ABCC11: variants seen among roughly 807,000 people sequenced by gnomAD.
ABCC11 encodes the protein ATP binding cassette subfamily C member 11, also known as ATP-binding cassette sub-family C member 11.
In ABCC11, 135 loss-of-function variants were observed where a neutral mutation model predicts 149.3. The observed-to-expected ratio is 0.90, with a 90% CI of 0.79 to 1.04. The LOEUF (loss-of-function observed/expected upper bound fraction) is 1.04. Among genes scored for constraint, ABCC11 ranks in the 50% least tolerant of loss-of-function variants. The probability of loss-of-function intolerance (pLI) is 0.00; values close to 1 mark genes in which losing one functional copy is unlikely to be tolerated. For missense variants in ABCC11, 1,680 were observed against 1,722.1 expected, an observed-to-expected ratio of 0.98 and a Z score of 0.43; for synonymous variants, 665 against 671.4, an observed-to-expected ratio of 0.99 and a Z score of 0.15.
chr16:48,208,424 C>A lies in ABCC11; in HGVS notation c.1680+1G>T, dbSNP rs758648148. On this transcript the variant is annotated splice_donor_variant, in intron 12 of 29. Coordinates refer to ENST00000356608, the MANE Select transcript of ABCC11 (RefSeq NM_001370497.1). LOFTEE classifies it high-confidence loss of function. ...CAAGCATGTGGCCACAGATCACTTA[C>A]CTCCTCCAGGATGGCTGACAACAGG... The A allele has an allele frequency of 1.2e-6, 2 of 1,614,146 alleles. No homozygotes were observed. Among genetic ancestry groups the A allele is most frequent in the Non-Finnish European group, 1.7e-6 (2 of 1,180,022 alleles).
At chr16:48,170,072 C>T (rs765726249) in intron 28 of ABCC11, 33 bp downstream of exon 28, 1 of 1,583,950 alleles carries the variant, frequency 6.3e-7, no homozygotes, top group South Asian at 1.1e-5. Context: ...TAGTCTGTGG[C>T]TTCCCCTGGC....
chr16:48,239,916 T>C (rs1343314673), intron 1 of ABCC11, among the ~76,000 whole-genome samples: 2 of 151,962 alleles, frequency 1.3e-5, no homozygotes, highest in African/African-American at 4.8e-5. Flanking sequence ...CCAACAAACA[T>C]GAAAAAAAGC....
At chr16:48,209,892 G>A (rs1434864402) in intron 11 of ABCC11, 2 of 152,208 alleles carry the variant, frequency 1.3e-5, no homozygotes, top group South Asian at 4.1e-4. Flanking sequence ...CTGCTGTATG[G>A]TAGAAGGCTC....
chr16:48,221,737 GGTGTGTGT>G (rs71973142), intron 6 of ABCC11, among the ~76,000 whole-genome samples: 3 of 150,150 alleles, frequency 2.0e-5, no homozygotes, highest in Admixed American at 1.3e-4. Flanking sequence ...AACTATTTGG[GGTGTGTGT>G]GTGTGTGTGT....
intron 1 of ABCC11, among the ~76,000 whole-genome samples, chr16:48,243,001 G>T (rs1427084140): frequency 2.6e-5 from 4 of 151,456 alleles, no homozygotes; most frequent in Admixed American, 2.0e-4. Flanking sequence ...GTATACATAT[G>T]TAACAAACCT....
At chr16:48,242,372 C>T (rs889657354) in intron 1 of ABCC11, among the ~76,000 whole-genome samples, 5 of 152,160 alleles carry the variant, frequency 3.3e-5, no homozygotes, top group African/African-American at 7.2e-5. Context: ...GTTAGAATGG[C>T]AATCATTAAA....
chr16:48,213,677 A>G, intron 9 of ABCC11, 127 bp from the exon 10 acceptor site: 1 of 675,232 alleles, frequency 1.5e-6, no homozygotes, highest in Admixed American at 3.3e-5. Flanking sequence ...ACAGAGGCTA[A>G]GCTAGTGTTT....
rs75446957 is a variant in ABCC11 at position 48,196,583 on chromosome 16, C to T, written c.2315-262G>A. The stretch of plus-strand genomic sequence containing the variant: ...CACGTGTGTGATGGGCTGAGAGAAA[C>T]GCAGGAAAGAATGAAGAAAACCACC... On this transcript the variant is annotated intron_variant, in intron 17 of 29. Transcript: ENST00000356608. 2.5e-4 allele frequency among the ~76,000 whole-genome samples: 38 copies of T among 152,218 alleles called. 1 individual carries two copies. In the East Asian group the frequency reaches 3.9e-3, roughly 15 times the overall value.
At chr16:48,228,991 G>A (rs995565142) in intron 3 of ABCC11, among the ~76,000 whole-genome samples, 1 of 152,012 alleles carries the variant, frequency 6.6e-6, no homozygotes, top group African/African-American at 2.4e-5. Context: ...AGAAAGATGG[G>A]AAGATGAAAA....
intron 23 of ABCC11, among the ~76,000 whole-genome samples, chr16:48,180,499 A>T (rs1966360653): frequency 6.6e-6 from 1 of 152,236 alleles, no homozygotes; most frequent in African/African-American, 2.4e-5. Flanking sequence ...ACATGAGAGA[A>T]TAAGTTCCCA....
chr16:48,220,783 C>T (rs1358686005), intron 6 of ABCC11, among the ~76,000 whole-genome samples: 1 of 152,192 alleles, frequency 6.6e-6, no homozygotes, highest in Non-Finnish European at 1.5e-5. Context: ...AACGCCTCTA[C>T]TTGATGGCAA....
intron 14 of ABCC11, among the ~76,000 whole-genome samples, chr16:48,202,755 A>G (rs7206909): frequency 1.3e-5 from 2 of 152,064 alleles, no homozygotes; most frequent in Non-Finnish European, 2.9e-5. Context: ...ACAGACTGAG[A>G]TATTATTAGA....
intron 20 of ABCC11, among the ~76,000 whole-genome samples, chr16:48,190,729 C>T (rs1966873914): frequency 6.6e-6 from 1 of 152,146 alleles, no homozygotes. Context: ...TCAGTTTCCT[C>T]ATATGTAAAA....
At chr16:48,243,760 G>A (rs1170246960) in intron 1 of ABCC11, among the ~76,000 whole-genome samples, 1 of 152,194 alleles carries the variant, frequency 6.6e-6, no homozygotes, top group African/African-American at 2.4e-5. Flanking sequence ...GGGAGGCCGA[G>A]GTGGACGGAT....
Position 48,167,187 on chromosome 16 carries a change from A to G in ABCC11, c.*87T>C, listed in dbSNP as rs558768775. 9.5e-5 allele frequency: 66 copies of G among 698,268 alleles called. No homozygotes were observed. In the Middle Eastern group the frequency reaches 2.9e-3, roughly 30 times the overall value. 43.3% of individuals were successfully genotyped at this position (698,268 alleles called of 1,614,324 possible). On this transcript the variant is annotated 3_prime_UTR_variant, in exon 30 of 30. Transcript: ENST00000356608. ...CAGGAGAAGTTCTCATCTCCAAACA[A>G]GAAGGTCGCAGACTGTGGGCCTCGA...
chr16:48,196,406 C>T, intron 17 of ABCC11, 85 bp from the exon 18 acceptor site: 1 of 1,340,056 alleles, frequency 7.5e-7, no homozygotes, highest in African/African-American at 1.4e-5. Context: ...CGATCCTGTG[C>T]CAGCTTTTCA....
rs755163200 is a variant in ABCC11, at chr16:48,205,534, G to A, written c.1684C>T (p.His562Tyr). 1.2e-6 allele frequency: 2 copies of A among 1,613,488 alleles called. No individual in the cohort carries two copies. The highest frequency in any genetic ancestry group is 1.7e-6 in the Non-Finnish European group (2 of 1,179,684). The change falls in exon 13 of 30, where the codon CAC becomes TAC. Residue 562 changes from histidine (H) to tyrosine (Y), a missense_variant. His to Tyr is a moderately conservative substitution (Grantham distance 83). Coordinates refer to ENST00000356608, the MANE Select transcript of ABCC11 (RefSeq NM_001370497.1). ...SLLSAILEEM[H>Y]LLEGSVGVQG... Reference sequence around the variant, plus strand: ...ACCCCCACCGAGCCCTCGAGCAAGTGCATCTGCGGCAGAATGAGTCCAGCC... The same window carrying A: ...ACCCCCACCGAGCCCTCGAGCAAGTACATCTGCGGCAGAATGAGTCCAGCC...
intron 1 of ABCC11, among the ~76,000 whole-genome samples, chr16:48,246,382 G>A (rs1160337681): frequency 6.6e-6 from 1 of 152,058 alleles, no homozygotes; most frequent in Admixed American, 6.6e-5. Flanking sequence ...TGCCTTCTGT[G>A]CCCAGGCACA....
intron 1 of ABCC11, chr16:48,244,370 A>C: frequency 6.6e-7 from 1 of 1,512,622 alleles, no homozygotes; most frequent in Non-Finnish European, 8.9e-7. Context: ...GACAGCCCCC[A>C]GTGCGAAAGG....
Sources: allele counts gnomAD v4.1 joint callset (sites outside exome capture counted in the v4.1 genomes callset), GRCh38; gene constraint gnomAD v4.1.1; transcripts MANE v1.5; gene names NCBI Gene and HGNC (gene_info 2026-07-23, HGNC 2026-07-21).